Variants in KCNIP4 observed in about 807,000 individuals in gnomAD.
KCNIP4 encodes the protein potassium voltage-gated channel interacting protein 4.
A neutral mutation model predicts 34.0 loss-of-function variants in KCNIP4; 12 were observed. The ratio of observed to expected loss-of-function variants is 0.35; its 90% CI spans 0.23 to 0.57. The LOEUF (loss-of-function observed/expected upper bound fraction) is 0.57, where lower values mean the gene tolerates loss of function less well. Ranked by LOEUF, KCNIP4 falls within the 20% of genes least tolerant of loss-of-function variation. The pLI is 0.83. For synonymous variants in KCNIP4, 124 were observed against 102.2 expected (o/e 1.21, Z -1.29); for missense variants, 238 against 311.7 (o/e 0.76, Z 1.78).
At chr4:20,802,185 C>CTA (rs202215633) in intron 3 of KCNIP4, among the ~76,000 whole-genome samples, 28 of 86,810 alleles carry the variant, frequency 3.2e-4, no homozygotes, top group Non-Finnish European at 4.1e-4. Context: ...TATATATATG[C>CTA]TATATATATG....
intron 1 of KCNIP4, among the ~76,000 whole-genome samples, chr4:20,942,160 T>C (rs1479764530): frequency 6.6e-6 from 1 of 152,184 alleles, no homozygotes; most frequent in African/African-American, 2.4e-5. Flanking sequence ...ATGGAAACGT[T>C]TGGCTGGGGT....
At chr4:21,542,162 G>A (rs954714539) in intron 1 of KCNIP4, among the ~76,000 whole-genome samples, 1 of 152,010 alleles carries the variant, frequency 6.6e-6, no homozygotes, top group Non-Finnish European at 1.5e-5. Context: ...AGTGTCCTAG[G>A]GTAGGAATGG....
chr4:21,566,063 G>A (rs529272500), intron 1 of KCNIP4, among the ~76,000 whole-genome samples: 43 of 152,172 alleles, frequency 2.8e-4, no homozygotes, highest in Non-Finnish European at 5.4e-4. Flanking sequence ...AATTGTTGGA[G>A]CAACAGTCAC....
At chr4:21,737,142 G>A (rs527301297) in intron 1 of KCNIP4, among the ~76,000 whole-genome samples, 4 of 152,230 alleles carry the variant, frequency 2.6e-5, no homozygotes, top group South Asian at 2.1e-4. Context: ...CAGAAATAAC[G>A]CCTAAGGTCT....
At chr4:21,229,015 T>C (rs541466677) in intron 1 of KCNIP4, among the ~76,000 whole-genome samples, 2 of 152,318 alleles carry the variant, frequency 1.3e-5, no homozygotes, top group South Asian at 4.1e-4. Flanking sequence ...TTTTCAGTTG[T>C]TCTTCACCAC....
At chr4:20,790,155 G>T (rs1481928129) in intron 3 of KCNIP4, among the ~76,000 whole-genome samples, 1 of 152,110 alleles carries the variant, frequency 6.6e-6, no homozygotes, top group East Asian at 1.9e-4. Flanking sequence ...ACTATAGGTA[G>T]TTGTCACAAA....
At chr4:21,231,156 C>T (rs2109020969) in intron 1 of KCNIP4, among the ~76,000 whole-genome samples, 1 of 152,164 alleles carries the variant, frequency 6.6e-6, no homozygotes, top group Non-Finnish European at 1.5e-5. Context: ...CCTTTATTGT[C>T]CTAGATGGCT....
At chr4:21,941,329 A>G (rs1268974182) in intron 1 of KCNIP4, among the ~76,000 whole-genome samples, 3 of 152,172 alleles carry the variant, frequency 2.0e-5, no homozygotes, top group Non-Finnish European at 4.4e-5. Flanking sequence ...ACTGCAGTAG[A>G]TACTGCTATC....
At chr4:21,053,297 C>T (rs1577603858) in intron 1 of KCNIP4, among the ~76,000 whole-genome samples, 1 of 152,142 alleles carries the variant, frequency 6.6e-6, no homozygotes, top group East Asian at 1.9e-4. Context: ...GTGCAATTTT[C>T]CAAAGTCTAT....
intron 1 of KCNIP4, among the ~76,000 whole-genome samples, chr4:20,952,709 T>C (rs940919027): frequency 3.9e-5 from 6 of 152,272 alleles, no homozygotes; most frequent in Admixed American, 6.5e-5. Context: ...TAATTTAATA[T>C]GACAGCATTC....
At chr4:21,062,560 C>T (rs1227521469) in intron 1 of KCNIP4, among the ~76,000 whole-genome samples, 1 of 141,798 alleles carries the variant, frequency 7.1e-6, no homozygotes, top group African/African-American at 2.5e-5. Context: ...GTGTGTCACA[C>T]AGAGATTATT....
chr4:21,608,177 C>T (rs1743863162), intron 1 of KCNIP4, among the ~76,000 whole-genome samples: 2 of 152,162 alleles, frequency 1.3e-5, no homozygotes, highest in Admixed American at 1.3e-4. Context: ...CAACTAATTA[C>T]CACAACCTTA....
At chr4:21,319,796 G>A (rs1411140990) in intron 1 of KCNIP4, among the ~76,000 whole-genome samples, 1 of 152,090 alleles carries the variant, frequency 6.6e-6, no homozygotes, top group South Asian at 2.1e-4. Flanking sequence ...ATCCTTTAGG[G>A]TGTGTTTTTG....
chr4:21,021,668 C>G (rs1049310608), intron 1 of KCNIP4, among the ~76,000 whole-genome samples: 2 of 152,096 alleles, frequency 1.3e-5, no homozygotes, highest in Non-Finnish European at 2.9e-5. Flanking sequence ...TGTCTTCCAC[C>G]TCCACATCTT....
chr4:20,988,083 G>A (rs1736757802), intron 1 of KCNIP4, among the ~76,000 whole-genome samples: 1 of 148,508 alleles, frequency 6.7e-6, no homozygotes, highest in Non-Finnish European at 1.5e-5. Flanking sequence ...GTTTCAAGGA[G>A]AAAATTCAGG....
chr4:20,852,034 C>CA (rs906198059), intron 2 of KCNIP4, among the ~76,000 whole-genome samples: 6 of 151,162 alleles, frequency 4.0e-5, no homozygotes, highest in Admixed American at 1.3e-4. Context: ...ATCAAACAAA[C>CA]AAAAAAAATA....
chr4:20,805,186 CT>C (rs10552321), intron 3 of KCNIP4, among the ~76,000 whole-genome samples: 14,926 of 85,936 alleles, frequency 0.17, 1,141 homozygotes, highest in Non-Finnish European at 0.2. Context: ...TAGATGCTTC[CT>C]TTTTTTTTTT....
chr4:21,205,756 G>A (rs1756810748), intron 1 of KCNIP4, among the ~76,000 whole-genome samples: 2 of 152,308 alleles, frequency 1.3e-5, no homozygotes, highest in East Asian at 1.9e-4. Flanking sequence ...CGGTTAATAA[G>A]TGGTACACAG....
chr4:21,023,147 C>T (rs1327617332), intron 1 of KCNIP4, among the ~76,000 whole-genome samples: 1 of 151,938 alleles, frequency 6.6e-6, no homozygotes, highest in African/African-American at 2.4e-5. Flanking sequence ...AAATGAATGC[C>T]TCAGGAAAGG....
Sources: gnomAD v4.1 joint callset for allele counts (sites outside exome capture counted in the v4.1 genomes callset) on GRCh38, gnomAD v4.1.1 for gene constraint, MANE v1.5 for transcripts, NCBI Gene and HGNC (gene_info 2026-07-23, HGNC 2026-07-21) for gene names.